The following TNRC6B variants were observed in gnomAD, a reference collection of about 807,000 sequenced individuals.
TNRC6B encodes the protein trinucleotide repeat-containing gene 6B protein.
TNRC6B carries 52 observed loss-of-function variants against 203.6 expected under a neutral mutation model. The ratio of observed to expected loss-of-function variants is 0.26; its 90% CI spans 0.20 to 0.32. The LOEUF is 0.32. TNRC6B is among the 10% of genes least tolerant of loss of function. TNRC6B has a pLI of 1.00. For missense variants in TNRC6B, 1,923 were observed against 2,286.2 expected (o/e 0.84, Z 3.24); for synonymous variants, 838 against 845.7 (o/e 0.99, Z 0.16).
At chr22:40,188,207 T>TC (rs2069228730) in intron 1 of TNRC6B, among the ~76,000 whole-genome samples, 1 of 151,932 alleles carries the variant, frequency 6.6e-6, no homozygotes, top group Non-Finnish European at 1.5e-5. Flanking sequence ...ACACTGTGTC[T>TC]CAAAAAAAAA....
chr22:40,099,022 C>T (rs1173841113), intron 1 of TNRC6B, among the ~76,000 whole-genome samples: 1 of 152,008 alleles, frequency 6.6e-6, no homozygotes, highest in South Asian at 2.1e-4. Context: ...GAGGCCGAGG[C>T]GGATGGATCA....
intron 3 of TNRC6B, among the ~76,000 whole-genome samples, chr22:40,258,665 A>G (rs1376868947): frequency 6.6e-6 from 1 of 152,182 alleles, no homozygotes; most frequent in Non-Finnish European, 1.5e-5. Flanking sequence ...CTCCTGGGCC[A>G]GAGCACACTG....
rs539542793 is a variant in TNRC6B, at chr22:40,287,769, ATC to A, written c.3708+2009_3708+2010del. 2.6e-5 allele frequency among the ~76,000 whole-genome samples: 4 copies of A among 152,178 alleles called. No individual in the cohort carries two copies. The South Asian group carries it at 8.3e-4, about 31-fold the overall frequency. On this transcript the variant is annotated intron_variant, in intron 12 of 22. Transcript: ENST00000454349. ...ATCGTGCACAGATGGAGAAAATGCC[ATC>A]TCTCTCTCTGCAGCCTCTTGGAGTT...
At chr22:40,078,184 A>G (rs1257556391) in intron 1 of TNRC6B, among the ~76,000 whole-genome samples, 1 of 152,262 alleles carries the variant, frequency 6.6e-6, no homozygotes, top group African/African-American at 2.4e-5. Context: ...ATACTACTGT[A>G]CTACTGGAAG....
intron 1 of TNRC6B, among the ~76,000 whole-genome samples, chr22:40,197,434 C>A (rs528309865): frequency 6.6e-6 from 1 of 151,704 alleles, no homozygotes; most frequent in East Asian, 1.9e-4. Context: ...TTACAGGTGC[C>A]TGCTACCACA....
In TNRC6B at chr22:40,265,664, G is replaced by A. The variant is rs779609225; in HGVS notation, c.1434G>A (p.Arg478=). ...ATGACTCTTGGGACAACAATAACAG[G>A]TCTACGGGTGGGTCCTGGAACTTTG... is the stretch of plus-strand genomic sequence containing the variant. ...SKNDSWDNNN[R]STGGSWNFGP... The change falls in exon 5 of 23, where the codon AGG becomes AGA. Residue 478 remains arginine (R), a synonymous_variant. Coordinates refer to ENST00000454349, the MANE Select transcript of TNRC6B (RefSeq NM_001162501.2). 2 of 1,613,904 alleles carry A rather than the reference G, an allele frequency of 1.2e-6. No homozygotes were observed. Among genetic ancestry groups the A allele is most frequent in the Admixed American group, 1.7e-5 (1 of 60,006 alleles).
At chr22:40,291,372 T>TA (rs2070867370) in intron 12 of TNRC6B, among the ~76,000 whole-genome samples, 1 of 151,950 alleles carries the variant, frequency 6.6e-6, no homozygotes, top group African/African-American at 2.4e-5. Flanking sequence ...GTGACAGTGA[T>TA]ATCCTGTCTT....
At chr22:40,161,936 G>A (rs1414716919) in intron 4 of TNRC6B, among the ~76,000 whole-genome samples, 1 of 152,120 alleles carries the variant, frequency 6.6e-6, no homozygotes, top group Non-Finnish European at 1.5e-5. Flanking sequence ...TTTTAAAAAA[G>A]CAGCTAAGCA....
At chr22:40,322,093 G>A (rs1000135959) in intron 22 of TNRC6B, among the ~76,000 whole-genome samples, 3 of 152,174 alleles carry the variant, frequency 2.0e-5, no homozygotes, top group South Asian at 2.1e-4. Context: ...CAGCACTTCC[G>A]GGGACTGAAG....
chr22:40,295,071 G>A (rs1317481784), intron 12 of TNRC6B, among the ~76,000 whole-genome samples: 1 of 152,228 alleles, frequency 6.6e-6, no homozygotes, highest in Non-Finnish European at 1.5e-5. Context: ...TTTCCAAAAT[G>A]ACAGAGTTGA....
At chr22:40,065,878 C>T (rs1055964821) in intron 1 of TNRC6B, among the ~76,000 whole-genome samples, 7 of 152,192 alleles carry the variant, frequency 4.6e-5, no homozygotes, top group Non-Finnish European at 7.4e-5. Context: ...TTCCTGGCCC[C>T]GTGTGAGTTC....
intron 1 of TNRC6B, among the ~76,000 whole-genome samples, chr22:40,217,249 G>A (rs2069647645): frequency 6.6e-6 from 1 of 152,124 alleles, no homozygotes; most frequent in East Asian, 1.9e-4. Flanking sequence ...CATGTCCTAC[G>A]TAGCAGTTCC....
chr22:40,322,013 G>A (rs2071340554), intron 22 of TNRC6B, among the ~76,000 whole-genome samples: 1 of 152,116 alleles, frequency 6.6e-6, no homozygotes. Flanking sequence ...CAGATGCCAT[G>A]ACAGAAAGCC....
At chr22:40,085,573 GTTCCTT>G (rs1385011388) in intron 1 of TNRC6B, among the ~76,000 whole-genome samples, 1 of 152,194 alleles carries the variant, frequency 6.6e-6, no homozygotes, top group Non-Finnish European at 1.5e-5. Context: ...AAGGAAGAGT[GTTCCTT>G]TACCTTGAAT....
At chr22:40,170,322 T>TAATATATAGTTTA (rs1431878480) in intron 4 of TNRC6B, among the ~76,000 whole-genome samples, 27 of 88,764 alleles carry the variant, frequency 3.0e-4, no homozygotes, top group Non-Finnish European at 5.5e-4. Flanking sequence ...TTTATATATA[T>TAATATATAGTTTA]TATATATATT....
chr22:40,111,605 G>T (rs1035192749), intron 1 of TNRC6B, among the ~76,000 whole-genome samples: 1 of 152,242 alleles, frequency 6.6e-6, no homozygotes, highest in African/African-American at 2.4e-5. Context: ...ACAGACTTCT[G>T]ATTTGAGTGG....
In TNRC6B at chr22:40,202,266, T is replaced by TTTTTTTGTTTTTG. The variant is rs1569019057; in HGVS notation, c.5+24132_5+24133insGTTTTTGTTTTTT. On this transcript the variant is annotated intron_variant, in intron 1 of 22. Coordinates refer to ENST00000454349, the MANE Select transcript of TNRC6B (RefSeq NM_001162501.2). ...GTGTTGTTGTTGTTTTTTTGTTTTT[T>TTTTTTTGTTTTTG]TTTTTTTTGCCTTTGGCAGACCTGT... Among the ~76,000 whole-genome samples, 3 of 72,028 alleles carry TTTTTTTGTTTTTG rather than the reference T, an allele frequency of 4.2e-5. No individual in the cohort carries two copies. In the African/African-American group the frequency reaches 8.0e-4, roughly 19 times the overall value. 47.3% of individuals were successfully genotyped at this position (72,028 alleles called of 152,430 possible). A position where few individuals can be genotyped will look rare whatever the true frequency, so the allele number is the denominator to read the frequency against.
chr22:40,171,569 A>T (rs2068999286), intron 4 of TNRC6B, among the ~76,000 whole-genome samples: 1 of 151,710 alleles, frequency 6.6e-6, no homozygotes, highest in Admixed American at 6.6e-5. Flanking sequence ...TTGAACTTGT[A>T]TTTTTTTTTA....
rs989600578 is a variant in TNRC6B, at chr22:40,045,182, G to C, written c.-121+184G>C. On this transcript the variant is annotated intron_variant, in intron 1 of 23. Transcript: ENST00000301923. ...CGCGCGTGGGGCGGGGAGCGGGCCG[G>C]GGAGGGGGCGTGAGCGCGCGCGGGG... Among the ~76,000 whole-genome samples, 10 of 145,526 alleles carry C rather than the reference G, an allele frequency of 6.9e-5. No individual in the cohort carries two copies. In the East Asian group the frequency reaches 1.6e-3, roughly 23 times the overall value.
Sources: gnomAD v4.1 joint callset for allele counts (sites outside exome capture counted in the v4.1 genomes callset) on GRCh38, gnomAD v4.1.1 for gene constraint, MANE v1.5 for transcripts, NCBI Gene and HGNC (gene_info 2026-07-23, HGNC 2026-07-21) for gene names.